LYPLA2: variants seen among roughly 807,000 people sequenced by gnomAD.
The protein encoded by LYPLA2 is lysophospholipase 2.
A neutral mutation model predicts 30.3 loss-of-function variants in LYPLA2; 7 were observed. The observed-to-expected ratio is 0.23, with a 90% CI of 0.13 to 0.43. The LOEUF (loss-of-function observed/expected upper bound fraction) is 0.43, where lower values mean the gene tolerates loss of function less well. LYPLA2 is among the 20% of genes least tolerant of loss of function. The pLI is 1.00. For missense variants in LYPLA2, 206 were observed against 307.9 expected, an observed-to-expected ratio of 0.67 and a Z score of 2.48; for synonymous variants, 112 against 118.2, an observed-to-expected ratio of 0.95 and a Z score of 0.34.
In LYPLA2 at chr1:23,793,137, C is replaced by A; in HGVS notation, c.111-14C>A. 1 of 1,613,976 alleles carries A rather than the reference C, an allele frequency of 6.2e-7. No homozygotes were observed. The highest frequency in any genetic ancestry group is 8.5e-7 in the Non-Finnish European group (1 of 1,179,846). Reference sequence around the variant, plus strand: ...CCTACCACATCGGAGCCTTTTCTCCCGTCCCTCCTACAGGCACAGCTGGGC... The same window carrying A: ...CCTACCACATCGGAGCCTTTTCTCCAGTCCCTCCTACAGGCACAGCTGGGC... On this transcript the variant is annotated splice_polypyrimidine_tract_variant and intron_variant, in intron 3 of 9. Transcript: ENST00000374514. This position sits in a 1 kb window ranked among gnomAD's most constrained non-coding sequence, Gnocchi z 6.0.
chr1:23,792,498 A>C (rs2148405403), intron 1 of LYPLA2, 159 bp from the exon 2 acceptor site: 2 of 608,460 alleles, frequency 3.3e-6, no homozygotes, highest in East Asian at 2.8e-5. Flanking sequence ...GAACTGAGGC[A>C]GACTTCTTCT....
At chr1:23,792,502 T>A in intron 1 of LYPLA2, 155 bp from the exon 2 acceptor site, 1 of 615,114 alleles carries the variant, frequency 1.6e-6, no homozygotes, top group East Asian at 2.7e-5. Context: ...TGAGGCAGAC[T>A]TCTTCTCCTG....
In LYPLA2 at chr1:23,794,380, G is replaced by A. The variant is rs1040485935; in HGVS notation, c.472-47G>A. 34 of 1,610,448 alleles carry A rather than the reference G, an allele frequency of 2.1e-5. No homozygotes were observed. Among genetic ancestry groups the A allele is most frequent in the Non-Finnish European group, 2.9e-5 (34 of 1,177,342 alleles). On this transcript the variant is annotated intron_variant, in intron 8 of 9. Coordinates refer to ENST00000374514, the MANE Select transcript of LYPLA2 (RefSeq NM_007260.3). The surrounding 1 kb of genome is among the most constrained non-coding windows in gnomAD (Gnocchi z 5.9). The stretch of plus-strand genomic sequence containing the variant: ...TTGTGTCTGCATCCTCGTGGCTTGG[G>A]GACTGCTGCAGCACTAGCTTTGCCC...
At position 23,793,601 on chromosome 1, in the gene LYPLA2, G is replaced by C. The variant is rs551655831; in HGVS notation, c.177-104G>C. On this transcript the variant is annotated intron_variant, in intron 4 of 9. Transcript: ENST00000374514. The surrounding 1 kb of genome is among the most constrained non-coding windows in gnomAD (Gnocchi z 6.0). ...AACACCTTAAACACAGGCCCTGCCT[G>C]CTGGGAGGGGCCACCAGGGGCGGCG... 3.4e-6 allele frequency: 4 copies of C among 1,192,442 alleles called. No homozygotes were observed. Among genetic ancestry groups the C allele is most frequent in the Non-Finnish European group, 5.0e-6 (4 of 798,720 alleles). 73.9% of individuals were successfully genotyped at this position (1,192,442 alleles called of 1,614,324 possible). A position where few individuals can be genotyped will look rare whatever the true frequency, so the allele number is the denominator to read the frequency against.
At position 23,793,042 on chromosome 1, in the gene LYPLA2, A is replaced by G. The variant is rs1215639121; in HGVS notation, c.110+3A>G. The G allele has an allele frequency of 3.1e-6, 5 of 1,613,568 alleles. No homozygotes were observed. The South Asian group carries it at 5.5e-5, about 18-fold the overall frequency. On this transcript the variant is annotated splice_donor_region_variant and intron_variant, in intron 3 of 9. Coordinates refer to ENST00000374514, the MANE Select transcript of LYPLA2 (RefSeq NM_007260.3). The surrounding 1 kb of genome is among the most constrained non-coding windows in gnomAD (Gnocchi z 6.0). Reference sequence around the variant, plus strand: ...TTACATGGACTTGGAGACACAGGGTAAGTGACTGAGGAGGGGTGCTCCTTA... The same window carrying G: ...TTACATGGACTTGGAGACACAGGGTGAGTGACTGAGGAGGGGTGCTCCTTA...
chr1:23,791,677 C>T, intron 1 of LYPLA2, among the ~76,000 whole-genome samples: 1 of 151,830 alleles, frequency 6.6e-6, no homozygotes, highest in Non-Finnish European at 1.5e-5. Flanking sequence ...GAAGGCACCC[C>T]TCCGAGGAGG....
At position 23,793,745 on chromosome 1, in the gene LYPLA2, C is replaced by A. The variant is rs748614062; in HGVS notation, c.217C>A (p.Pro73Thr). 6.2e-7 allele frequency: 1 copy of A among 1,614,070 alleles called. No individual in the cohort carries two copies. Among genetic ancestry groups the A allele is most frequent in the Non-Finnish European group, 8.5e-7 (1 of 1,179,958 alleles). ...PVTLNMKMVM[P>T]SWFDLMGLSP... ...GACCCTCAACATGAAGATGGTGATGCCCTCCTGGTGAGTTTGGGAGTGGGG... is the reference window on the plus strand; with the variant it reads ...GACCCTCAACATGAAGATGGTGATGACCTCCTGGTGAGTTTGGGAGTGGGG... Residue 73 changes from proline (P) to threonine (T), a missense_variant, in exon 5 of 10, where the codon CCC becomes ACC. Transcript: ENST00000374514. The surrounding 1 kb of genome is among the most constrained non-coding windows in gnomAD (Gnocchi z 6.0).
Position 23,794,637 on chromosome 1 carries a change from G to A in LYPLA2, c.645+37G>A. The A allele has an allele frequency of 3.7e-6, 6 of 1,614,112 alleles. No individual in the cohort carries two copies. The highest frequency in any genetic ancestry group is 1.3e-5 in the African/African-American group (1 of 75,030). On this transcript the variant is annotated intron_variant, in intron 9 of 9. Transcript: ENST00000374514. The surrounding 1 kb of genome is among the most constrained non-coding windows in gnomAD (Gnocchi z 5.9). Reference sequence around the variant, plus strand: ...GACCATTTCCCACTCCCACTTCTCTGCCTCCAGCCAGGTGCCTCTCGTGAT... The same window carrying A: ...GACCATTTCCCACTCCCACTTCTCTACCTCCAGCCAGGTGCCTCTCGTGAT...
rs2232985 is a variant in LYPLA2 at position 23,794,833 on chromosome 1, C to G, written c.*101C>G. The G allele has an allele frequency of 1.5e-6, 2 of 1,352,644 alleles. No individual in the cohort carries two copies. Among genetic ancestry groups the G allele is most frequent in the African/African-American group, 1.4e-5 (1 of 69,054 alleles). 83.8% of individuals were successfully genotyped at this position (1,352,644 alleles called of 1,614,324 possible). ...AGCCGGTCGAGCCCCTGTCCCCACC[C>G]TTCCTGACCTGTCCTTTTCCCACAG... On this transcript the variant is annotated 3_prime_UTR_variant, in exon 10 of 10. Transcript: ENST00000374514. The surrounding 1 kb of genome is among the most constrained non-coding windows in gnomAD (Gnocchi z 5.9).
chr1:23,793,627 C>T lies in LYPLA2; in HGVS notation c.177-78C>T, dbSNP rs577454903. On this transcript the variant is annotated intron_variant, in intron 4 of 9. Transcript: ENST00000374514. The surrounding 1 kb of genome is among the most constrained non-coding windows in gnomAD (Gnocchi z 6.0). The stretch of plus-strand genomic sequence containing the variant: ...CTGGGAGGGGCCACCAGGGGCGGCG[C>T]GGCCCCACTCCGGGCTCTGAGCTCT... The T allele has an allele frequency of 1.4e-4, 201 of 1,455,812 alleles. 3 individuals carry two copies. The South Asian group carries it at 2.1e-3, about 15-fold the overall frequency. The allele number at this position is 1,455,812 out of a possible 1,614,324, so 90.2% of individuals were successfully genotyped here.
In LYPLA2 at chr1:23,793,951, C is replaced by T. The variant is rs2148406656; in HGVS notation, c.295+21C>T. On this transcript the variant is annotated intron_variant, in intron 6 of 9. Coordinates refer to ENST00000374514, the MANE Select transcript of LYPLA2 (RefSeq NM_007260.3). The surrounding 1 kb of genome is among the most constrained non-coding windows in gnomAD (Gnocchi z 6.0). ...GAACAGTAAGACCCCAGCCCCTCCT[C>T]CACATCCTCCTTCCCCTGCCCCCCA... is the stretch of plus-strand genomic sequence containing the variant. The T allele has an allele frequency of 1.2e-6, 2 of 1,609,280 alleles. No individual in the cohort carries two copies. The highest frequency in any genetic ancestry group is 4.5e-5 in the East Asian group (2 of 44,848).
rs1429784004 is a variant in LYPLA2 at position 23,794,760 on chromosome 1, C to CT, written c.*28_*29insT. On this transcript the variant is annotated 3_prime_UTR_variant, in exon 10 of 10. Transcript: ENST00000374514. The surrounding 1 kb of genome is among the most constrained non-coding windows in gnomAD (Gnocchi z 5.9). ...AGTCGCTGGCCCCAGTGCAGTACCC[C>CT]AGCTCATGGGGGACTCAGCAAGCAA... 3 of 1,613,116 alleles carry CT rather than the reference C, an allele frequency of 1.9e-6. No individual in the cohort carries two copies. The highest frequency in any genetic ancestry group is 1.7e-6 in the Non-Finnish European group (2 of 1,179,340).
chr1:23,793,231 A>C lies in LYPLA2; in HGVS notation c.176+15A>C. The C allele has an allele frequency of 6.2e-7, 1 of 1,612,510 alleles. No individual in the cohort carries two copies. The highest frequency in any genetic ancestry group is 8.5e-7 in the Non-Finnish European group (1 of 1,179,358). ...TGTCCCCATGCGTGAGTGTCACCCCAGCAAGGGAGGGGCTGAGGCTGGGGA... is the reference window on the plus strand; with the variant it reads ...TGTCCCCATGCGTGAGTGTCACCCCCGCAAGGGAGGGGCTGAGGCTGGGGA... On this transcript the variant is annotated intron_variant, in intron 4 of 9. Transcript: ENST00000374514. The surrounding 1 kb of genome is among the most constrained non-coding windows in gnomAD (Gnocchi z 6.0).
Position 23,794,207 on chromosome 1 carries a change from C to T in LYPLA2, c.370-17C>T, listed in dbSNP as rs1406168857. On this transcript the variant is annotated splice_polypyrimidine_tract_variant and intron_variant, in intron 7 of 9. Coordinates refer to ENST00000374514, the MANE Select transcript of LYPLA2 (RefSeq NM_007260.3). This position sits in a 1 kb window ranked among gnomAD's most constrained non-coding sequence, Gnocchi z 5.9. ...AGTGAGCTGTGCCCTCATGACCCCT[C>T]TCTCTCCTCCCTCCAGGGCGGGGCC... The T allele has an allele frequency of 6.2e-7, 1 of 1,602,234 alleles. No homozygotes were observed. Among genetic ancestry groups the T allele is most frequent in the Non-Finnish European group, 8.5e-7 (1 of 1,173,892 alleles).
rs1230838609 is a variant in LYPLA2 at position 23,793,528 on chromosome 1, G to A, written c.177-177G>A. On this transcript the variant is annotated intron_variant, in intron 4 of 9. Transcript: ENST00000374514. The surrounding 1 kb of genome is among the most constrained non-coding windows in gnomAD (Gnocchi z 6.0). The stretch of plus-strand genomic sequence containing the variant: ...TGGGCTCTGCTTCTCCATTACTGGC[G>A]CTTTGCCCCAACCACAGCCTCCAGC... 19 of 707,570 alleles carry A rather than the reference G, an allele frequency of 2.7e-5. No homozygotes were observed. Among genetic ancestry groups the A allele is most frequent in the African/African-American group, 3.5e-5 (2 of 56,554 alleles). 43.8% of individuals were successfully genotyped at this position (707,570 alleles called of 1,614,324 possible). A position where few individuals can be genotyped will look rare whatever the true frequency, so the allele number is the denominator to read the frequency against.
Position 23,793,994 on chromosome 1 carries a change from T to A in LYPLA2, c.295+64T>A. 6.3e-7 allele frequency: 1 copy of A among 1,585,136 alleles called. No homozygotes were observed. The highest frequency in any genetic ancestry group is 1.7e-5 in the Admixed American group (1 of 59,964). On this transcript the variant is annotated intron_variant, in intron 6 of 9. Transcript: ENST00000374514. The surrounding 1 kb of genome is among the most constrained non-coding windows in gnomAD (Gnocchi z 6.0). The stretch of plus-strand genomic sequence containing the variant: ...GCCCCCCAGGAAAGCGCTGGGCGGT[T>A]CCTCAGCCTAGCTCCCTTATTGGGC...
chr1:23,795,087 C>T lies in LYPLA2; in HGVS notation c.*355C>T. The T allele has an allele frequency of 2.1e-6, 1 of 466,528 alleles. No homozygotes were observed. Among genetic ancestry groups the T allele is most frequent in the South Asian group, 1.9e-5 (1 of 53,022 alleles). The allele number at this position is 466,528 out of a possible 1,614,324, so 28.9% of individuals were successfully genotyped here. On this transcript the variant is annotated 3_prime_UTR_variant, in exon 10 of 10. Coordinates refer to ENST00000374514, the MANE Select transcript of LYPLA2 (RefSeq NM_007260.3). ...CCCGCTTTGGGCCCCCTCCTGTGAC[C>T]TCAGGGTTTGGCCCATGGGGCCCCC...
chr1:23,794,351 C>T lies in LYPLA2; in HGVS notation c.471+26C>T. 1.3e-6 allele frequency: 2 copies of T among 1,597,502 alleles called. No individual in the cohort carries two copies. The highest frequency in any genetic ancestry group is 1.7e-6 in the Non-Finnish European group (2 of 1,165,884). On this transcript the variant is annotated intron_variant, in intron 8 of 9. Coordinates refer to ENST00000374514, the MANE Select transcript of LYPLA2 (RefSeq NM_007260.3). The surrounding 1 kb of genome is among the most constrained non-coding windows in gnomAD (Gnocchi z 5.9). ...GTGAATGTCCCCACTGACCCCCCCGCCCTTTGTGTCTGCATCCTCGTGGCT... is the reference window on the plus strand; with the variant it reads ...GTGAATGTCCCCACTGACCCCCCCGTCCTTTGTGTCTGCATCCTCGTGGCT...
At position 23,792,860 on chromosome 1, in the gene LYPLA2, A is replaced by G. The variant is rs1638825961; in HGVS notation, c.78+100A>G. 35 of 1,271,960 alleles carry G rather than the reference A, an allele frequency of 2.8e-5. No individual in the cohort carries two copies. The South Asian group carries it at 4.3e-4, about 15-fold the overall frequency. The allele number at this position is 1,271,960 out of a possible 1,614,324, so 78.8% of individuals were successfully genotyped here. On this transcript the variant is annotated intron_variant, in intron 2 of 9. Transcript: ENST00000374514. Reference sequence around the variant, plus strand: ...ATGGAGGTGGCAGTGATGAGCAGGGAGTATCCTGAGGCCAGCAGGCTCGGG... The same window carrying G: ...ATGGAGGTGGCAGTGATGAGCAGGGGGTATCCTGAGGCCAGCAGGCTCGGG...
Sources: allele counts gnomAD v4.1 joint callset (sites outside exome capture counted in the v4.1 genomes callset), GRCh38; gene constraint gnomAD v4.1.1; non-coding constraint Gnocchi (gnomAD v3.1); transcripts MANE v1.5; gene names NCBI Gene and HGNC (gene_info 2026-07-23, HGNC 2026-07-21).